RIMS2: variants seen among roughly 807,000 people sequenced by gnomAD.
RIMS2 encodes regulating synaptic membrane exocytosis protein 2.
Under a neutral mutation model 174.4 loss-of-function variants are expected in RIMS2, and 59 were observed. The observed-to-expected ratio is 0.34, with a 90% CI of 0.27 to 0.42. The LOEUF is 0.42. Ranked by LOEUF, RIMS2 falls within the 10% of genes least tolerant of loss-of-function variation. The pLI is 1.00. For synonymous variants in RIMS2, 606 were observed against 572.5 expected, an observed-to-expected ratio of 1.06 and a Z score of -0.84; for missense variants, 1,620 against 1,666.3, an observed-to-expected ratio of 0.97 and a Z score of 0.48.
intron 19 of RIMS2, among the ~76,000 whole-genome samples, chr8:104,206,849 A>G (rs1408450671): frequency 6.6e-6 from 1 of 152,212 alleles, no homozygotes; most frequent in Admixed American, 6.5e-5. Flanking sequence ...AGAGAGTTTC[A>G]TATATTCCTG....
intron 1 of RIMS2, among the ~76,000 whole-genome samples, chr8:103,637,850 C>T (rs1031762688): frequency 6.6e-6 from 1 of 152,036 alleles, no homozygotes; most frequent in African/African-American, 2.4e-5. Flanking sequence ...TAGTCTCTTC[C>T]AATTTGTGAC....
At chr8:104,148,909 T>C in intron 19 of RIMS2, 61 bp downstream of exon 25, 1 of 1,513,820 alleles carries the variant, frequency 6.6e-7, no homozygotes, top group Non-Finnish European at 8.9e-7. Context: ...GATATATTTC[T>C]TTTCTCTTAC....
chr8:103,869,162 G>T (rs913171982), intron 3 of RIMS2, among the ~76,000 whole-genome samples: 1 of 150,218 alleles, frequency 6.7e-6, no homozygotes, highest in Non-Finnish European at 1.5e-5. Flanking sequence ...AGCTACTGTT[G>T]ATGTCCACCA....
At chr8:103,827,103 G>T (rs74523620) in intron 3 of RIMS2, among the ~76,000 whole-genome samples, 23,928 of 152,100 alleles carry the variant, frequency 0.16, 1,991 homozygotes, top group Middle Eastern at 0.24. Flanking sequence ...GAGTCTTCCA[G>T]TGGTGTATCT....
chr8:104,011,180 T>C (rs1326296204), intron 17 of RIMS2, among the ~76,000 whole-genome samples: 1 of 152,132 alleles, frequency 6.6e-6, no homozygotes, highest in Non-Finnish European at 1.5e-5. Context: ...CCTATTTTTA[T>C]CCAATGTGGG....
At chr8:103,859,616 G>A (rs978083336) in intron 3 of RIMS2, among the ~76,000 whole-genome samples, 8 of 151,922 alleles carry the variant, frequency 5.3e-5, no homozygotes, top group Non-Finnish European at 1.2e-4. Flanking sequence ...ATTTCCATTT[G>A]TGGGGTGGAA....
chr8:103,720,162 A>T (rs1038230897), intron 2 of RIMS2, among the ~76,000 whole-genome samples: 2 of 152,148 alleles, frequency 1.3e-5, no homozygotes, highest in African/African-American at 4.8e-5. Flanking sequence ...TGCAGCTATG[A>T]TGTTCAGAGG....
At chr8:103,968,554 A>G (rs1036977389) in intron 15 of RIMS2, among the ~76,000 whole-genome samples, 2 of 151,298 alleles carry the variant, frequency 1.3e-5, no homozygotes, top group Non-Finnish European at 2.9e-5. Context: ...TGTAGTATAC[A>G]TTTGCAATTC....
intron 1 of RIMS2, among the ~76,000 whole-genome samples, chr8:103,678,137 A>G (rs1050452846): frequency 1.8e-4 from 27 of 152,198 alleles, no homozygotes; most frequent in African/African-American, 6.5e-4. Context: ...TGTCTGTCTC[A>G]TATCTATGCA....
chr8:103,778,528 G>C (rs1295162900), intron 3 of RIMS2, among the ~76,000 whole-genome samples: 1 of 151,984 alleles, frequency 6.6e-6, no homozygotes, highest in African/African-American at 2.4e-5. Context: ...TCTGTGCTTG[G>C]CTTATTTCAC....
intron 3 of RIMS2, among the ~76,000 whole-genome samples, chr8:103,836,134 A>G (rs1018007995): frequency 1.3e-5 from 2 of 152,244 alleles, no homozygotes; most frequent in Admixed American, 6.5e-5. Flanking sequence ...AGTGAGAATG[A>G]GTAGGTTAAA....
intron 2 of RIMS2, among the ~76,000 whole-genome samples, chr8:103,720,574 CAA>C (rs1007908566): frequency 1.6e-4 from 25 of 152,218 alleles, no homozygotes; most frequent in East Asian, 3.9e-4. Flanking sequence ...AAAAAAATCA[CAA>C]GTTTATATAT....
intron 1 of RIMS2, among the ~76,000 whole-genome samples, chr8:103,577,908 T>C (rs1373446529): frequency 2.0e-5 from 3 of 151,650 alleles, no homozygotes; most frequent in Non-Finnish European, 4.4e-5. Context: ...TACTGAAATA[T>C]GAAATACTGA....
At chr8:104,100,929 G>A (rs1010078655) in intron 19 of RIMS2, among the ~76,000 whole-genome samples, 1 of 103,882 alleles carries the variant, frequency 9.6e-6, no homozygotes, top group South Asian at 3.1e-4. Context: ...TTATATATGT[G>A]ATATATTATA....
intron 2 of RIMS2, among the ~76,000 whole-genome samples, chr8:103,722,570 C>G (rs2097464492): frequency 6.6e-6 from 1 of 152,116 alleles, no homozygotes; most frequent in Non-Finnish European, 1.5e-5. Context: ...ACTGATCTGA[C>G]AGGAGGCAGA....
At chr8:103,849,501 G>A (rs1227888988) in intron 3 of RIMS2, among the ~76,000 whole-genome samples, 1 of 152,048 alleles carries the variant, frequency 6.6e-6, no homozygotes, top group African/African-American at 2.4e-5. Context: ...ATGGGGAAGT[G>A]TGTGTTTTGG....
chr8:103,993,117 A>AT (rs1029872344), intron 17 of RIMS2, among the ~76,000 whole-genome samples: 56 of 152,186 alleles, frequency 3.7e-4, no homozygotes, highest in African/African-American at 1.0e-3. Flanking sequence ...GTCTCAAAAA[A>AT]ATATATATAT....
chr8:103,529,542 A>G (rs956012584), intron 1 of RIMS2, among the ~76,000 whole-genome samples: 23 of 152,322 alleles, frequency 1.5e-4, no homozygotes, highest in African/African-American at 5.1e-4. Flanking sequence ...TCCCTTGGCT[A>G]GGAAAGGGAA....
At chr8:103,753,154 A>T (rs1002309493) in intron 2 of RIMS2, among the ~76,000 whole-genome samples, 1 of 149,040 alleles carries the variant, frequency 6.7e-6, no homozygotes, top group Non-Finnish European at 1.5e-5. Context: ...AGGGTAGTTG[A>T]ATTTTGTCAA....
Sources: allele counts gnomAD v4.1 joint callset (sites outside exome capture counted in the v4.1 genomes callset), GRCh38; gene constraint gnomAD v4.1.1; transcripts MANE v1.5; gene names NCBI Gene and HGNC (gene_info 2026-07-23, HGNC 2026-07-21).